Variants in BCAS3 observed in about 807,000 individuals in gnomAD.
BCAS3 encodes the protein BCAS4/BCAS3 fusion.
In BCAS3, 53 loss-of-function variants were observed where a neutral mutation model predicts 116.1. That is an observed-to-expected ratio of 0.46 (90% confidence interval 0.37 to 0.57). BCAS3 has a LOEUF of 0.57. Among genes scored for constraint, BCAS3 ranks in the 20% least tolerant of loss-of-function variants. The probability of loss-of-function intolerance (pLI) is 0.00; values close to 1 mark genes in which losing one functional copy is unlikely to be tolerated. For missense variants in BCAS3, 917 were observed against 1,165.4 expected (o/e 0.79, Z 3.10); for synonymous variants, 391 against 408.2 (o/e 0.96, Z 0.51).
At chr17:61,264,594 G>A (rs1288277987) in intron 22 of BCAS3, among the ~76,000 whole-genome samples, 1 of 152,094 alleles carries the variant, frequency 6.6e-6, no homozygotes, top group Non-Finnish European at 1.5e-5. Context: ...TTTTAGAAGA[G>A]ACAGAGTTTC....
At chr17:60,709,387 T>A (rs972896102) in intron 5 of BCAS3, 62 bp downstream of exon 5, 9 of 1,070,750 alleles carry the variant, frequency 8.4e-6, no homozygotes, top group Non-Finnish European at 1.3e-5. Flanking sequence ...TTATGTGAAA[T>A]CTGTAGATAC....
In BCAS3 at chr17:61,282,022, C is replaced by T. The variant is rs2051288339; in HGVS notation, c.2426-86305C>T. On this transcript the variant is annotated intron_variant, in intron 22 of 23. Transcript: ENST00000407086. The surrounding 1 kb of genome is among the most constrained non-coding windows in gnomAD (Gnocchi z 5.9). ...GAAGACTGAATTTGGATTCAGAAGA[C>T]CTCATTGACAACTAACTATAACACA... Among the ~76,000 whole-genome samples, 1 of 152,148 alleles carries T rather than the reference C, an allele frequency of 6.6e-6. No homozygotes were observed.
Position 61,021,972 on chromosome 17 carries a change from G to A in BCAS3, c.1637+6071G>A, listed in dbSNP as rs374527375. On this transcript the variant is annotated intron_variant, in intron 16 of 23. Transcript: ENST00000407086. The surrounding 1 kb of genome is among the most constrained non-coding windows in gnomAD (Gnocchi z 4.6). ...AGACCCACTAGATACAGATATAATA[G>A]CTTGGGTAATTCCCCACCTCATGTT... 7.2e-5 allele frequency among the ~76,000 whole-genome samples: 11 copies of A among 152,242 alleles called. No homozygotes were observed. The East Asian group carries it at 1.9e-3, about 27-fold the overall frequency.
chr17:61,163,411 G>A (rs887436830), intron 22 of BCAS3, among the ~76,000 whole-genome samples: 20 of 147,590 alleles, frequency 1.4e-4, no homozygotes, highest in East Asian at 6.0e-4. Context: ...GCGACAGAGC[G>A]AGACTCCGTC....
chr17:61,185,403 C>A (rs1379149345), intron 22 of BCAS3, among the ~76,000 whole-genome samples: 2 of 152,090 alleles, frequency 1.3e-5, no homozygotes, highest in South Asian at 2.1e-4. Flanking sequence ...TAAAATTTTT[C>A]TTTCTTCAAA....
At position 61,229,852 on chromosome 17, in the gene BCAS3, C is replaced by T. The variant is rs564895102; in HGVS notation, c.2426-138475C>T. ...ATTATAAGATAGTGTTGGCTGGGCG[C>T]GATGGCTTACGCCTGTAATCCCAGC... On this transcript the variant is annotated intron_variant, in intron 22 of 23. Coordinates refer to ENST00000407086, the MANE Select transcript of BCAS3 (RefSeq NM_017679.5). The surrounding 1 kb of genome is among the most constrained non-coding windows in gnomAD (Gnocchi z 4.4). 6.6e-5 allele frequency among the ~76,000 whole-genome samples: 10 copies of T among 152,298 alleles called. No individual in the cohort carries two copies. The highest frequency in any genetic ancestry group is 2.1e-4 in the South Asian group (1 of 4,826).
At chr17:61,225,846 G>T (rs1468636261) in intron 22 of BCAS3, among the ~76,000 whole-genome samples, 1 of 152,136 alleles carries the variant, frequency 6.6e-6, no homozygotes, top group Non-Finnish European at 1.5e-5. Context: ...TGGTAAAGGG[G>T]ATATTTATTC....
Position 61,278,568 on chromosome 17 carries a change from C to G in BCAS3, c.2426-89759C>G, listed in dbSNP as rs903248985. On this transcript the variant is annotated intron_variant, in intron 22 of 23. Coordinates refer to ENST00000407086, the MANE Select transcript of BCAS3 (RefSeq NM_017679.5). The surrounding 1 kb of genome is among the most constrained non-coding windows in gnomAD (Gnocchi z 5.8). ...TCCTTGTGGCATTATTCACTATAGC[C>G]CAAAGATGCCAGCACCCTAAGTATT... Among the ~76,000 whole-genome samples, 4 of 152,242 alleles carry G rather than the reference C, an allele frequency of 2.6e-5. No individual in the cohort carries two copies. Among genetic ancestry groups the G allele is most frequent in the Non-Finnish European group, 5.9e-5 (4 of 68,032 alleles).
At chr17:60,891,660 T>G (rs1268513410) in intron 10 of BCAS3, 11 of 455,480 alleles carry the variant, frequency 2.4e-5, no homozygotes, top group Non-Finnish European at 4.4e-5. Context: ...ATATCTTTGT[T>G]TAGTTTTGAG....
intron 22 of BCAS3, among the ~76,000 whole-genome samples, chr17:61,108,325 T>C (rs74717225): frequency 0.022 from 3,320 of 152,334 alleles, 52 homozygotes; most frequent in Non-Finnish European, 0.033. Flanking sequence ...ATGTTTTAAA[T>C]GAATTTCCTG....
In BCAS3 at chr17:61,236,405, T is replaced by C. The variant is rs145393266; in HGVS notation, c.2426-131922T>C. Among the ~76,000 whole-genome samples the C allele has an allele frequency of 1.1e-3, 161 of 152,344 alleles. 1 individual carries two copies. The highest frequency in any genetic ancestry group is 3.6e-3 in the African/African-American group (151 of 41,588). ...TGTGATCTCAGCTCACTGCAACCTC[T>C]GCCTCCCAGGTTCAACCAATTGTCC... On this transcript the variant is annotated intron_variant, in intron 22 of 23. Coordinates refer to ENST00000407086, the MANE Select transcript of BCAS3 (RefSeq NM_017679.5).
At chr17:61,240,871 G>T (rs1413904049) in intron 22 of BCAS3, among the ~76,000 whole-genome samples, 2 of 152,154 alleles carry the variant, frequency 1.3e-5, no homozygotes, top group African/African-American at 4.8e-5. Context: ...TTCCCGAAAA[G>T]AAGCATTTTT....
At chr17:61,210,330 C>T (rs1253657690) in intron 22 of BCAS3, among the ~76,000 whole-genome samples, 1 of 152,122 alleles carries the variant, frequency 6.6e-6, no homozygotes, top group East Asian at 1.9e-4. Flanking sequence ...CTGTTGTATA[C>T]AAAGGAAATT....
chr17:61,167,922 C>T (rs1430268143), intron 22 of BCAS3, among the ~76,000 whole-genome samples: 1 of 152,196 alleles, frequency 6.6e-6, no homozygotes, highest in Non-Finnish European at 1.5e-5. Context: ...ATCGTCTTAG[C>T]CACCTGTACA....
intron 17 of BCAS3, among the ~76,000 whole-genome samples, chr17:61,035,499 C>T (rs1392851281): frequency 6.8e-6 from 1 of 147,666 alleles, no homozygotes; most frequent in Non-Finnish European, 1.5e-5. Flanking sequence ...AGGAGAATCG[C>T]TTGAACTCGG....
intron 6 of BCAS3, among the ~76,000 whole-genome samples, chr17:60,762,057 G>C (rs2043593307): frequency 6.6e-6 from 1 of 152,054 alleles, no homozygotes; most frequent in Non-Finnish European, 1.5e-5. Flanking sequence ...GGGGTTGTTT[G>C]ATTTTTTTCT....
chr17:61,280,728 C>A (rs1336864755), intron 22 of BCAS3, among the ~76,000 whole-genome samples: 1 of 152,132 alleles, frequency 6.6e-6, no homozygotes, highest in Non-Finnish European at 1.5e-5. Context: ...CAAGAAGTGA[C>A]CCCCTCCAAG....
intron 6 of BCAS3, among the ~76,000 whole-genome samples, chr17:60,787,556 T>C (rs2046385745): frequency 6.6e-6 from 1 of 152,186 alleles, no homozygotes. Flanking sequence ...CATTTGAGTA[T>C]GCTGAGCAAA....
At chr17:61,163,180 C>T (rs1463309288) in intron 22 of BCAS3, among the ~76,000 whole-genome samples, 3 of 151,932 alleles carry the variant, frequency 2.0e-5, no homozygotes, top group African/African-American at 7.2e-5. Flanking sequence ...ATCCCAGCAC[C>T]TGGGGAGGCC....
Sources: allele counts gnomAD v4.1 joint callset (sites outside exome capture counted in the v4.1 genomes callset), GRCh38; gene constraint gnomAD v4.1.1; non-coding constraint Gnocchi (gnomAD v3.1); transcripts MANE v1.5; gene names NCBI Gene and HGNC (gene_info 2026-07-23, HGNC 2026-07-21).